The following PREP variants were observed in gnomAD, a reference collection of about 807,000 sequenced individuals.
PREP encodes the protein prolyl endopeptidase, also known as dJ355L5.1 (prolyl endopeptidase).
Under a neutral mutation model 87.6 loss-of-function variants are expected in PREP, and 29 were observed. That is an observed-to-expected ratio of 0.33 (90% confidence interval 0.25 to 0.45). The LOEUF is 0.45. PREP is among the 20% of genes least tolerant of loss of function. PREP has a pLI of 1.00. For missense variants in PREP, 695 were observed against 886.5 expected (o/e 0.78, Z 2.74); for synonymous variants, 337 against 328.6 (o/e 1.03, Z -0.28).
intron 1 of PREP, among the ~76,000 whole-genome samples, chr6:105,399,422 ACTC>A (rs1321086100): frequency 1.3e-5 from 2 of 152,020 alleles, no homozygotes; most frequent in African/African-American, 4.8e-5. Context: ...AGGTCAAAGA[ACTC>A]CTGGGGAAAT....
At chr6:105,398,811 G>A (rs563442352) in intron 1 of PREP, among the ~76,000 whole-genome samples, 2 of 152,164 alleles carry the variant, frequency 1.3e-5, no homozygotes, top group South Asian at 4.1e-4. Flanking sequence ...ATACCATCAA[G>A]ATTAACCCCA....
At chr6:105,389,510 T>C (rs1019193993) in intron 2 of PREP, among the ~76,000 whole-genome samples, 2 of 152,196 alleles carry the variant, frequency 1.3e-5, no homozygotes, top group African/African-American at 4.8e-5. Context: ...TATAAAGTTT[T>C]CAAAGAACAC....
Position 105,288,911 on chromosome 6 carries a change from C to G in PREP, c.1318-17G>C. The stretch of plus-strand genomic sequence containing the variant: ...GTAGAAAATCTAGAATATAAGAAAG[C>G]AGAATATAAGATTTAGCATTACTTA... On this transcript the variant is annotated splice_polypyrimidine_tract_variant and intron_variant, in intron 10 of 14. Transcript: ENST00000652536. The G allele has an allele frequency of 1.2e-6, 2 of 1,605,008 alleles. No individual in the cohort carries two copies. The highest frequency in any genetic ancestry group is 1.1e-5 in the South Asian group (1 of 90,868).
intron 6 of PREP, among the ~76,000 whole-genome samples, chr6:105,367,599 G>A (rs992746377): frequency 2.0e-5 from 3 of 150,704 alleles, no homozygotes; most frequent in Non-Finnish European, 4.4e-5. Flanking sequence ...GTGAACCCGG[G>A]AGGCAGAGCT....
At chr6:105,334,184 C>T (rs553762192) in intron 7 of PREP, among the ~76,000 whole-genome samples, 116 of 152,278 alleles carry the variant, frequency 7.6e-4, no homozygotes, top group Admixed American at 1.8e-3. Flanking sequence ...CATGTTAGTG[C>T]CCTTAGAAAC....
chr6:105,360,585 A>G (rs927973597), intron 6 of PREP, among the ~76,000 whole-genome samples: 4 of 152,354 alleles, frequency 2.6e-5, no homozygotes, highest in South Asian at 4.1e-4. Context: ...GAAGTCCAAG[A>G]AAACTCTCAC....
At chr6:105,302,817 T>C (rs1006230037) in intron 10 of PREP, 2 of 422,240 alleles carry the variant, frequency 4.7e-6, no homozygotes, top group Non-Finnish European at 9.2e-6. Flanking sequence ...GACTTGATCT[T>C]AGCCATTGCT....
At chr6:105,290,611 T>C (rs1466395811) in intron 10 of PREP, among the ~76,000 whole-genome samples, 1 of 151,830 alleles carries the variant, frequency 6.6e-6, no homozygotes, top group Non-Finnish European at 1.5e-5. Context: ...AAGTGCTCTC[T>C]TGATGCTTCA....
chr6:105,282,470 T>G lies in PREP; in HGVS notation c.1662A>C (p.Ser554=). The G allele has an allele frequency of 6.2e-7, 1 of 1,614,034 alleles. No homozygotes were observed. The highest frequency in any genetic ancestry group is 1.1e-5 in the South Asian group (1 of 91,028). ...SPKRLTINGG[S]NGGLLVAACA... ...ACTCACCCACTAAGAGGCCTCCATTTGAACCTCCATTAATAGTCAGCCTCT... is the reference window on the plus strand; with the variant it reads ...ACTCACCCACTAAGAGGCCTCCATTGGAACCTCCATTAATAGTCAGCCTCT... The change falls in exon 13 of 15, where the codon TCA becomes TCC. Residue 554 remains serine, a synonymous_variant. Transcript: ENST00000652536.
intron 6 of PREP, among the ~76,000 whole-genome samples, chr6:105,356,788 T>C (rs562292492): frequency 6.6e-6 from 1 of 152,362 alleles, no homozygotes; most frequent in East Asian, 1.9e-4. Flanking sequence ...GCAGGAGGAC[T>C]AGTCCAGTAC....
chr6:105,323,817 C>T, intron 9 of PREP, 49 bp from the exon 10 acceptor site: 1 of 1,455,004 alleles, frequency 6.9e-7, no homozygotes, highest in Non-Finnish European at 9.6e-7. Context: ...TCACTAGATT[C>T]AAAGGGGGCA....
rs117711051 is a variant in PREP, at chr6:105,367,213, T to G, written c.717+1690A>C. 5.2e-4 allele frequency among the ~76,000 whole-genome samples: 79 copies of G among 152,306 alleles called. No individual in the cohort carries two copies. The East Asian group carries it at 0.014, about 28-fold the overall frequency. On this transcript the variant is annotated intron_variant, in intron 6 of 14. Coordinates refer to ENST00000652536, the MANE Select transcript of PREP (RefSeq NM_002726.5). ...TAATCCTATTTCACTCAGATGAAGGTAAAAAATGTACATTATTTCATATCT... is the reference window on the plus strand; with the variant it reads ...TAATCCTATTTCACTCAGATGAAGGGAAAAAATGTACATTATTTCATATCT...
At chr6:105,392,209 T>G (rs1773169363) in intron 2 of PREP, among the ~76,000 whole-genome samples, 1 of 151,950 alleles carries the variant, frequency 6.6e-6, no homozygotes, top group Non-Finnish European at 1.5e-5. Context: ...GGGCTAATTT[T>G]ATGTATTTTT....
At chr6:105,355,825 T>G (rs1772085547) in intron 6 of PREP, among the ~76,000 whole-genome samples, 2 of 152,216 alleles carry the variant, frequency 1.3e-5, no homozygotes, top group Non-Finnish European at 2.9e-5. Flanking sequence ...CTTCAACTTT[T>G]GCATTTTCTT....
chr6:105,301,128 T>C lies in PREP; in HGVS notation c.1318-12234A>G, dbSNP rs139372013. On this transcript the variant is annotated intron_variant, in intron 10 of 14. Transcript: ENST00000652536. The stretch of plus-strand genomic sequence containing the variant: ...TCCCATTATCGCCAGTCATGAGATG[T>C]GCTCATCTATGAAAGATGAAGGTAG... Among the ~76,000 whole-genome samples, 55 of 152,374 alleles carry C rather than the reference T, an allele frequency of 3.6e-4. 1 individual carries two copies. In the East Asian group the frequency reaches 9.8e-3, roughly 27 times the overall value.
chr6:105,394,501 A>G (rs1773239127), intron 2 of PREP, among the ~76,000 whole-genome samples: 1 of 152,224 alleles, frequency 6.6e-6, no homozygotes, highest in South Asian at 2.1e-4. Context: ...AAAATAACCA[A>G]AGTTTGATAG....
At chr6:105,362,068 C>T (rs1381391520) in intron 6 of PREP, among the ~76,000 whole-genome samples, 3 of 152,194 alleles carry the variant, frequency 2.0e-5, no homozygotes, top group Middle Eastern at 3.2e-3. Flanking sequence ...AAACAAAACA[C>T]GTACAAAATA....
In PREP at chr6:105,323,180, T is replaced by C. The variant is rs762080063; in HGVS notation, c.1317+485A>G. The C allele has an allele frequency of 3.5e-6, 4 of 1,158,648 alleles. No individual in the cohort carries two copies. In the South Asian group the frequency reaches 5.1e-5, roughly 15 times the overall value. The allele number at this position is 1,158,648 out of a possible 1,614,324, so 71.8% of individuals were successfully genotyped here. Reference sequence around the variant, plus strand: ...GCCAAAGACGAAGCTTGTGGTGACATGACAATTAATTAATTTATTCATTCA... The same window carrying C: ...GCCAAAGACGAAGCTTGTGGTGACACGACAATTAATTAATTTATTCATTCA... On this transcript the variant is annotated intron_variant, in intron 10 of 14. Transcript: ENST00000652536.
intron 10 of PREP, chr6:105,323,090 A>G (rs1228719664): frequency 4.8e-5 from 62 of 1,304,102 alleles, no homozygotes; most frequent in Non-Finnish European, 6.3e-5. Context: ...CAGTTTCTGG[A>G]AGACTCAGTA....
Sources: allele counts gnomAD v4.1 joint callset (sites outside exome capture counted in the v4.1 genomes callset), GRCh38; gene constraint gnomAD v4.1.1; transcripts MANE v1.5; gene names NCBI Gene and HGNC (gene_info 2026-07-23, HGNC 2026-07-21).